The following TACC1 variants were observed in gnomAD, a reference collection of about 807,000 sequenced individuals.
TACC1 encodes transforming acidic coiled-coil containing protein 1.
TACC1 carries 48 observed loss-of-function variants against 84.4 expected under a neutral mutation model. The observed-to-expected ratio is 0.57, with a 90% CI of 0.45 to 0.72. TACC1 has a LOEUF of 0.72. Among genes scored for constraint, TACC1 ranks in the 30% least tolerant of loss-of-function variants. The probability of loss-of-function intolerance (pLI) is 0.00; values close to 1 mark genes in which losing one functional copy is unlikely to be tolerated. For synonymous variants in TACC1, 372 were observed against 376.3 expected (o/e 0.99, Z 0.13); for missense variants, 920 against 973.0 (o/e 0.95, Z 0.72).
At chr8:38,800,613 A>G (rs770611653) in intron 2 of TACC1, among the ~76,000 whole-genome samples, 21 of 152,158 alleles carry the variant, frequency 1.4e-4, no homozygotes, top group Non-Finnish European at 2.9e-4. Context: ...TTATTGTTGA[A>G]CAATACCCCA....
exon 2 of TACC1, chr8:38,742,407 T>C (rs1234552809): frequency 1.3e-6 from 2 of 1,518,838 alleles, no homozygotes; most frequent in Non-Finnish European, 8.8e-7. Context: ...GCATGTTTAC[T>C]CTTCCAAGTA....
intron 3 of TACC1, among the ~76,000 whole-genome samples, chr8:38,775,140 T>A (rs1365587199): frequency 6.6e-6 from 1 of 152,016 alleles, no homozygotes; most frequent in African/African-American, 2.4e-5. Flanking sequence ...AGAAGTCATA[T>A]CTCTATTATA....
rs2151859006 is a variant in TACC1 at position 38,767,883 on chromosome 8, A to T, written c.27-20821A>T. 1.3e-5 allele frequency among the ~76,000 whole-genome samples: 2 copies of T among 152,276 alleles called. 1 individual carries two copies. The highest frequency in any genetic ancestry group is 4.1e-4 in the South Asian group (2 of 4,826). On this transcript the variant is annotated intron_variant, in intron 3 of 14. Transcript: ENST00000518415. The stretch of plus-strand genomic sequence containing the variant: ...AGTTTGGGACCAGTCTGGGCAACAT[A>T]GCAAGACTCTATCTGTACAAATAAT...
At chr8:38,803,161 A>G (rs187628398) in intron 2 of TACC1, among the ~76,000 whole-genome samples, 1 of 152,308 alleles carries the variant, frequency 6.6e-6, no homozygotes, top group South Asian at 2.1e-4. Context: ...TTTCATTTAT[A>G]GTTTTTTGGT....
intron 2 of TACC1, among the ~76,000 whole-genome samples, chr8:38,810,760 A>G (rs1483015552): frequency 6.6e-6 from 1 of 152,152 alleles, no homozygotes; most frequent in Admixed American, 6.6e-5. Flanking sequence ...GATGTCAAAT[A>G]TTATTCCCAG....
intron 3 of TACC1, among the ~76,000 whole-genome samples, chr8:38,764,951 T>G (rs1811944207): frequency 6.6e-6 from 1 of 152,034 alleles, no homozygotes; most frequent in Admixed American, 6.6e-5. Context: ...ATACAAAAAT[T>G]AGCCAGGCAT....
chr8:38,790,895 C>T lies in TACC1; in HGVS notation c.277+2076C>T, dbSNP rs573528217. Among the ~76,000 whole-genome samples the T allele has an allele frequency of 2.5e-4, 38 of 152,230 alleles. No individual in the cohort carries two copies. The South Asian group carries it at 6.7e-3, about 27-fold the overall frequency. ...GCTTATATACTGGAGAATTTGTGTGCGACGCATAGCTGTGTAGCACTCTCA... is the reference window on the plus strand; with the variant it reads ...GCTTATATACTGGAGAATTTGTGTGTGACGCATAGCTGTGTAGCACTCTCA... On this transcript the variant is annotated intron_variant, in intron 2 of 12. Coordinates refer to ENST00000317827, the MANE Select transcript of TACC1 (RefSeq NM_006283.3).
chr8:38,746,786 A>T (rs974079498), intron 3 of TACC1, among the ~76,000 whole-genome samples: 1 of 152,232 alleles, frequency 6.6e-6, no homozygotes, highest in African/African-American at 2.4e-5. Flanking sequence ...TGTAATTTAT[A>T]AATCAACTAT....
At chr8:38,822,467 A>G (rs1229969784) in intron 3 of TACC1, among the ~76,000 whole-genome samples, 1 of 152,162 alleles carries the variant, frequency 6.6e-6, no homozygotes, top group East Asian at 1.9e-4. Context: ...GGCCTTGGAC[A>G]TTACTGTACA....
intron 3 of TACC1, among the ~76,000 whole-genome samples, chr8:38,781,340 A>G (rs1311293477): frequency 6.6e-6 from 1 of 152,052 alleles, no homozygotes; most frequent in Non-Finnish European, 1.5e-5. Flanking sequence ...GGAGGTGGGG[A>G]AAAGAAGAAG....
Position 38,846,829 on chromosome 8 carries a change from G to C in TACC1, c.2349+10G>C. 1 of 1,613,974 alleles carries C rather than the reference G, an allele frequency of 6.2e-7. No homozygotes were observed. The highest frequency in any genetic ancestry group is 8.5e-7 in the Non-Finnish European group (1 of 1,179,926). ...GGCCCTGCAGCAGAAGGTACAGAAA[G>C]GGACCTGATCTGGGTGGCCACAGAG... On this transcript the variant is annotated intron_variant, in intron 12 of 12. Coordinates refer to ENST00000317827, the MANE Select transcript of TACC1 (RefSeq NM_006283.3).
At chr8:38,756,571 T>G (rs1437330450) in intron 3 of TACC1, among the ~76,000 whole-genome samples, 1 of 152,178 alleles carries the variant, frequency 6.6e-6, no homozygotes, top group African/African-American at 2.4e-5. Flanking sequence ...TTGTTTGTTT[T>G]TTCCTTGCGA....
At chr8:38,778,282 G>GTA (rs1815236221) in intron 3 of TACC1, among the ~76,000 whole-genome samples, 1 of 151,308 alleles carries the variant, frequency 6.6e-6, no homozygotes, top group Admixed American at 6.6e-5. Context: ...AATTGTGTGT[G>GTA]TGTGTGTGTG....
rs150581515 is a variant in TACC1 at position 38,771,393 on chromosome 8, C to T, written c.27-17311C>T. ...GGCTGTGAGTTTGGCGCTCGAGACA[C>T]CATACGCTCCTGAGGTTTGTTAAGG... On this transcript the variant is annotated intron_variant, in intron 3 of 14. Transcript: ENST00000518415. 2.7e-3 allele frequency among the ~76,000 whole-genome samples: 416 copies of T among 152,250 alleles called. 2 individuals are homozygous for T. The highest frequency in any genetic ancestry group is 9.7e-3 in the African/African-American group (405 of 41,540).
exon 3 of TACC1, chr8:38,745,452 C>A: frequency 1.5e-6 from 1 of 674,250 alleles, no homozygotes; most frequent in South Asian, 1.6e-5. Flanking sequence ...AAAAGTCAAT[C>A]AAATCTGACC....
chr8:38,745,562 G>C, intron 3 of TACC1: 2 of 664,378 alleles, frequency 3.0e-6, no homozygotes, highest in East Asian at 5.5e-5. Flanking sequence ...TTTGTTTTTT[G>C]AGATGGAATC....
intron 2 of TACC1, chr8:38,805,324 C>T (rs1014185282): frequency 5.9e-5 from 9 of 152,168 alleles, no homozygotes; most frequent in African/African-American, 2.2e-4. Flanking sequence ...ATCATTTTTT[C>T]TAGAGCTTTC....
At chr8:38,840,328 G>A in intron 9 of TACC1, 61 bp downstream of exon 9, 1 of 1,471,334 alleles carries the variant, frequency 6.8e-7, no homozygotes, top group Non-Finnish European at 9.5e-7. Context: ...AGTCTGTTCA[G>A]CCTGGTATAA....
At chr8:38,764,188 C>T (rs1395572245) in intron 3 of TACC1, among the ~76,000 whole-genome samples, 2 of 152,108 alleles carry the variant, frequency 1.3e-5, no homozygotes, top group Admixed American at 1.3e-4. Context: ...AGCAATTCTC[C>T]TGCCTCAGCC....
Sources: allele counts gnomAD v4.1 joint callset (sites outside exome capture counted in the v4.1 genomes callset), GRCh38; gene constraint gnomAD v4.1.1; transcripts MANE v1.5; gene names NCBI Gene and HGNC (gene_info 2026-07-23, HGNC 2026-07-21).